GPC5: variants seen among roughly 807,000 people sequenced by gnomAD.
GPC5 encodes glypican 5, also known as glypican-5.
A neutral mutation model predicts 53.9 loss-of-function variants in GPC5; 47 were observed. That is an observed-to-expected ratio of 0.87 (90% CI 0.69 to 1.11). GPC5 has a LOEUF of 1.11. GPC5 is among the 50% of genes most tolerant of loss of function. The pLI is 0.00. For synonymous variants in GPC5, 286 were observed against 263.3 expected, an observed-to-expected ratio of 1.09 and a Z score of -0.84; for missense variants, 748 against 713.1, an observed-to-expected ratio of 1.05 and a Z score of -0.56.
intron 7 of GPC5, among the ~76,000 whole-genome samples, chr13:92,592,137 T>C (rs1883732447): frequency 6.6e-6 from 1 of 152,216 alleles, no homozygotes; most frequent in Non-Finnish European, 1.5e-5. Flanking sequence ...CCACCATTGC[T>C]CCTGTCAACC....
chr13:92,381,509 G>A (rs1187492675), intron 7 of GPC5, among the ~76,000 whole-genome samples: 1 of 152,072 alleles, frequency 6.6e-6, no homozygotes, highest in Admixed American at 6.5e-5. Flanking sequence ...AGTAGTTGTT[G>A]GTGTGGATGC....
intron 7 of GPC5, among the ~76,000 whole-genome samples, chr13:92,328,759 G>C (rs914629569): frequency 3.9e-5 from 6 of 152,054 alleles, no homozygotes; most frequent in Non-Finnish European, 8.8e-5. Flanking sequence ...GTTACTTTAG[G>C]TTCTGCACCT....
chr13:91,892,393 A>G (rs1350646294), intron 5 of GPC5, among the ~76,000 whole-genome samples: 1 of 151,720 alleles, frequency 6.6e-6, no homozygotes, highest in Non-Finnish European at 1.5e-5. Flanking sequence ...TTTTATTTAG[A>G]AACAACCTTT....
At chr13:92,761,051 G>C (rs1173369505) in intron 7 of GPC5, among the ~76,000 whole-genome samples, 4 of 152,034 alleles carry the variant, frequency 2.6e-5, no homozygotes, top group Non-Finnish European at 4.4e-5. Flanking sequence ...ATTATATAAG[G>C]GTTGTTTTGC....
chr13:92,413,732 G>A (rs1566579887), intron 7 of GPC5, among the ~76,000 whole-genome samples: 1 of 152,128 alleles, frequency 6.6e-6, no homozygotes, highest in South Asian at 2.1e-4. Flanking sequence ...CAGATAAAGA[G>A]GCTGGGTCGA....
chr13:91,494,185 C>T (rs916754434), intron 2 of GPC5, among the ~76,000 whole-genome samples: 9 of 151,824 alleles, frequency 5.9e-5, no homozygotes, highest in Non-Finnish European at 1.2e-4. Flanking sequence ...CCACCGCGCC[C>T]GGTCTGTTTT....
rs373107192 is a variant in GPC5, at chr13:92,268,703, T to G, written c.1561+123714T>G. Among the ~76,000 whole-genome samples the G allele has an allele frequency of 1.4e-4, 21 of 148,704 alleles. No individual in the cohort carries two copies. The South Asian group carries it at 1.7e-3, about 12-fold the overall frequency. ...AATTATTCTGTAAGAATTTTTTATCTTATACTTACCTCATAGATTTGGACT... is the reference window on the plus strand; with the variant it reads ...AATTATTCTGTAAGAATTTTTTATCGTATACTTACCTCATAGATTTGGACT... On this transcript the variant is annotated intron_variant, in intron 7 of 7. Transcript: ENST00000377067.
chr13:91,579,631 T>C (rs867601076), intron 2 of GPC5, among the ~76,000 whole-genome samples: 11,253 of 141,612 alleles, frequency 0.079, 401 homozygotes, highest in Middle Eastern at 0.12. Flanking sequence ...TTTCTTTTTT[T>C]TTTTTTTTTT....
At chr13:92,843,326 C>T (rs562535026) in intron 7 of GPC5, among the ~76,000 whole-genome samples, 63 of 152,218 alleles carry the variant, frequency 4.1e-4, no homozygotes, top group African/African-American at 1.2e-3. Context: ...GAGTCTAATT[C>T]GCTGAGCATT....
At chr13:92,520,913 G>A (rs527788235) in intron 7 of GPC5, among the ~76,000 whole-genome samples, 12 of 152,256 alleles carry the variant, frequency 7.9e-5, no homozygotes, top group South Asian at 2.1e-4. Flanking sequence ...TCCTTAAGCC[G>A]ATAAGCAACT....
rs1007650587 is a variant in GPC5 at position 92,862,542 on chromosome 13, GATAGATAT to G, written c.1562-3723_1562-3716del. On this transcript the variant is annotated intron_variant, in intron 7 of 7. Transcript: ENST00000377067. The stretch of plus-strand genomic sequence containing the variant: ...GATACCTGGTGGAGATATATATATA[GATAGATAT>G]ATAGATATATAGATATTTGACTCGT... Among the ~76,000 whole-genome samples, 32 of 151,908 alleles carry G rather than the reference GATAGATAT, an allele frequency of 2.1e-4. No individual in the cohort carries two copies. The East Asian group carries it at 2.3e-3, about 11-fold the overall frequency.
intron 2 of GPC5, among the ~76,000 whole-genome samples, chr13:91,647,067 ATGCGTGTGTGTG>A (rs1184205654): frequency 8.6e-5 from 11 of 127,762 alleles, no homozygotes; most frequent in Admixed American, 2.6e-4. Flanking sequence ...TAATATATAT[ATGCGTGTGTGTG>A]TGTGTGTGTG....
chr13:91,541,307 A>G (rs1197787691), intron 2 of GPC5, among the ~76,000 whole-genome samples: 1 of 152,164 alleles, frequency 6.6e-6, no homozygotes, highest in East Asian at 1.9e-4. Context: ...GATGGTAAGA[A>G]AATTAAAATT....
At chr13:91,543,287 C>T (rs960532476) in intron 2 of GPC5, among the ~76,000 whole-genome samples, 7 of 152,080 alleles carry the variant, frequency 4.6e-5, no homozygotes, top group South Asian at 2.1e-4. Flanking sequence ...GCCACCGCTC[C>T]GGCCCCCAAT....
chr13:92,307,420 C>T (rs2043118174), intron 7 of GPC5, among the ~76,000 whole-genome samples: 1 of 152,104 alleles, frequency 6.6e-6, no homozygotes, highest in African/African-American at 2.4e-5. Flanking sequence ...TGCCATGGCA[C>T]TCCAGCCTGG....
chr13:92,244,775 C>T (rs570119170), intron 7 of GPC5, among the ~76,000 whole-genome samples: 3 of 152,166 alleles, frequency 2.0e-5, no homozygotes, highest in Admixed American at 1.3e-4. Context: ...CGCAATGGCT[C>T]ATGCCTGTAA....
intron 2 of GPC5, among the ~76,000 whole-genome samples, chr13:91,540,905 G>A (rs1283878831): frequency 1.3e-5 from 2 of 151,980 alleles, no homozygotes; most frequent in African/African-American, 2.4e-5. Context: ...AAAAACAGTG[G>A]CCACAACATT....
At chr13:92,472,825 A>G (rs1395155726) in intron 7 of GPC5, among the ~76,000 whole-genome samples, 1 of 152,100 alleles carries the variant, frequency 6.6e-6, no homozygotes. Flanking sequence ...GACACACTTA[A>G]TTGACAATAT....
At chr13:92,046,812 C>G (rs1433758423) in intron 6 of GPC5, among the ~76,000 whole-genome samples, 3 of 152,186 alleles carry the variant, frequency 2.0e-5, no homozygotes, top group Non-Finnish European at 4.4e-5. Context: ...TACCTCTGAG[C>G]AGCAAATGAC....
Sources: gnomAD v4.1 joint callset for allele counts (sites outside exome capture counted in the v4.1 genomes callset) on GRCh38, gnomAD v4.1.1 for gene constraint, MANE v1.5 for transcripts, NCBI Gene and HGNC (gene_info 2026-07-23, HGNC 2026-07-21) for gene names.